The following MYO1D variants were observed in gnomAD, a reference collection of about 807,000 sequenced individuals.
The protein encoded by MYO1D is unconventional myosin-Id.
Under a neutral mutation model 122.0 loss-of-function variants are expected in MYO1D, and 83 were observed. That is an observed-to-expected ratio of 0.68 (90% CI 0.57 to 0.82). The LOEUF (loss-of-function observed/expected upper bound fraction) is 0.82. MYO1D is among the 40% of genes least tolerant of loss of function. MYO1D has a pLI of 0.00. For synonymous variants in MYO1D, 464 were observed against 446.9 expected, an observed-to-expected ratio of 1.04 and a Z score of -0.48; for missense variants, 1,157 against 1,269.5, an observed-to-expected ratio of 0.91 and a Z score of 1.35.
In MYO1D at chr17:32,493,721, AG is replaced by A. The variant is rs1908974667; in HGVS notation, c.*1037del. The A allele has an allele frequency of 6.6e-6, 1 of 152,448 alleles. No individual in the cohort carries two copies. The highest frequency in any genetic ancestry group is 6.5e-5 in the Admixed American group (1 of 15,310). The allele number at this position is 152,448 out of a possible 1,614,324, so 9.4% of individuals were successfully genotyped here. On this transcript the variant is annotated 3_prime_UTR_variant, in exon 22 of 22. Transcript: ENST00000318217. The stretch of plus-strand genomic sequence containing the variant: ...ACCAGTTTCACGGGCGCAGGCCCCA[AG>A]GGGCCGTGTAGAGGGCGGGGTGGGC...
At chr17:32,857,600 AAAT>A (rs2091038042) in intron 1 of MYO1D, among the ~76,000 whole-genome samples, 1 of 151,734 alleles carries the variant, frequency 6.6e-6, no homozygotes. Context: ...AAAAAAAAAA[AAAT>A]AGACTCCTTT....
intron 8 of MYO1D, among the ~76,000 whole-genome samples, chr17:32,763,312 T>TA (rs1567629343): frequency 6.7e-6 from 1 of 149,880 alleles, no homozygotes; most frequent in Non-Finnish European, 1.5e-5. Flanking sequence ...CTTACAAGAG[T>TA]AAAAAATGAA....
At chr17:32,794,400 C>T (rs887456311) in intron 1 of MYO1D, 3 of 152,128 alleles carry the variant, frequency 2.0e-5, no homozygotes, top group South Asian at 2.1e-4. Context: ...TTGATATATA[C>T]GTTTTTAGGT....
chr17:32,557,171 T>C (rs2087075125), intron 21 of MYO1D, among the ~76,000 whole-genome samples: 1 of 151,378 alleles, frequency 6.6e-6, no homozygotes, highest in African/African-American at 2.4e-5. Context: ...CAGGCTGGAG[T>C]TCAGTGGCGT....
At chr17:32,701,365 C>T (rs898147758) in intron 16 of MYO1D, among the ~76,000 whole-genome samples, 1 of 151,952 alleles carries the variant, frequency 6.6e-6, no homozygotes, top group East Asian at 1.9e-4. Context: ...TTAGACTGTT[C>T]CAAAATACAG....
intron 8 of MYO1D, among the ~76,000 whole-genome samples, chr17:32,763,408 A>C (rs965110488): frequency 6.6e-6 from 1 of 152,212 alleles, no homozygotes; most frequent in African/African-American, 2.4e-5. Context: ...CAGATAACAA[A>C]GGGTTAAAGT....
chr17:32,716,288 TTCTC>T (rs1170558062), intron 15 of MYO1D, among the ~76,000 whole-genome samples: 1 of 152,204 alleles, frequency 6.6e-6, no homozygotes, highest in Non-Finnish European at 1.5e-5. Flanking sequence ...ACCCCCAATA[TTCTC>T]TCTAAGGCAA....
chr17:32,665,601 G>A lies in MYO1D; in HGVS notation c.2122-6263C>T, dbSNP rs184878613. ...GAATGCAACATCTCATCCCACCTCT[G>A]AGTATATAACTTATGGTTTTATTTT... On this transcript the variant is annotated intron_variant, in intron 16 of 21. Coordinates refer to ENST00000318217, the MANE Select transcript of MYO1D (RefSeq NM_015194.3). Among the ~76,000 whole-genome samples, 340 of 152,318 alleles carry A rather than the reference G, an allele frequency of 2.2e-3. 1 individual carries two copies. Among genetic ancestry groups the A allele is most frequent in the African/African-American group, 7.4e-3 (307 of 41,568 alleles).
At chr17:32,840,480 T>C (rs995682167) in intron 1 of MYO1D, among the ~76,000 whole-genome samples, 1 of 152,154 alleles carries the variant, frequency 6.6e-6, no homozygotes, top group Non-Finnish European at 1.5e-5. Context: ...ATGGGCAGTA[T>C]TTATATTACC....
At chr17:32,649,021 T>A (rs535904956) in intron 19 of MYO1D, among the ~76,000 whole-genome samples, 244 of 152,320 alleles carry the variant, frequency 1.6e-3, no homozygotes, top group African/African-American at 5.7e-3. Flanking sequence ...TGACATTATA[T>A]CACTTTATGG....
intron 20 of MYO1D, among the ~76,000 whole-genome samples, chr17:32,628,947 C>T (rs2087964493): frequency 6.6e-6 from 1 of 152,156 alleles, no homozygotes; most frequent in Non-Finnish European, 1.5e-5. Context: ...TTTTTAGTAG[C>T]TTTATTCATA....
chr17:32,546,909 C>CTTT (rs11410191), intron 21 of MYO1D, among the ~76,000 whole-genome samples: 3 of 138,466 alleles, frequency 2.2e-5, no homozygotes, highest in Non-Finnish European at 3.1e-5. Flanking sequence ...AAATAAGAAC[C>CTTT]TTTTTTTTTT....
intron 1 of MYO1D, among the ~76,000 whole-genome samples, chr17:32,816,623 ACATTTG>A (rs978738317): frequency 2.0e-5 from 3 of 152,208 alleles, no homozygotes; most frequent in African/African-American, 7.2e-5. Context: ...AAGGGAAAAA[ACATTTG>A]CATATAATTT....
At chr17:32,502,325 A>G (rs1200543105) in intron 21 of MYO1D, among the ~76,000 whole-genome samples, 1 of 152,238 alleles carries the variant, frequency 6.6e-6, no homozygotes, top group Non-Finnish European at 1.5e-5. Flanking sequence ...TACATATTGT[A>G]TAACTACATT....
chr17:32,562,348 A>C (rs2087133507), intron 21 of MYO1D, among the ~76,000 whole-genome samples: 1 of 33,602 alleles, frequency 3.0e-5, no homozygotes, highest in African/African-American at 4.2e-4. Context: ...TAAGCTGCAA[A>C]ATATTTCATT....
chr17:32,696,473 C>T (rs1315449038), intron 16 of MYO1D, among the ~76,000 whole-genome samples: 2 of 152,178 alleles, frequency 1.3e-5, no homozygotes, highest in Non-Finnish European at 2.9e-5. Flanking sequence ...GGCTGCCAAG[C>T]TCAACTAGTA....
chr17:32,869,874 A>T (rs1231117831), intron 1 of MYO1D, among the ~76,000 whole-genome samples: 1 of 152,168 alleles, frequency 6.6e-6, no homozygotes, highest in Non-Finnish European at 1.5e-5. Flanking sequence ...TCAAGGCTGC[A>T]GTGAATCATG....
At chr17:32,870,108 GAGT>G (rs2091166076) in intron 1 of MYO1D, among the ~76,000 whole-genome samples, 1 of 152,120 alleles carries the variant, frequency 6.6e-6, no homozygotes, top group South Asian at 2.1e-4. Flanking sequence ...ATCTGTCACG[GAGT>G]AGGAAAGGAA....
intron 21 of MYO1D, among the ~76,000 whole-genome samples, chr17:32,508,564 C>G (rs1909579391): frequency 6.6e-6 from 1 of 152,198 alleles, no homozygotes; most frequent in Non-Finnish European, 1.5e-5. Context: ...GTGTGAGCCA[C>G]CTCCCCTGGC....
Sources: allele counts gnomAD v4.1 joint callset (sites outside exome capture counted in the v4.1 genomes callset), GRCh38; gene constraint gnomAD v4.1.1; transcripts MANE v1.5; gene names NCBI Gene and HGNC (gene_info 2026-07-23, HGNC 2026-07-21).